STAU2: variants seen among roughly 807,000 people sequenced by gnomAD.
STAU2 encodes the protein staufen double-stranded RNA binding protein 2.
Under a neutral mutation model 65.9 loss-of-function variants are expected in STAU2, and 20 were observed. The ratio of observed to expected loss-of-function variants is 0.30; its 90% CI spans 0.21 to 0.44. The LOEUF is 0.44. Among genes scored for constraint, STAU2 ranks in the 20% least tolerant of loss-of-function variants. STAU2 has a pLI of 1.00. For synonymous variants in STAU2, 232 were observed against 233.9 expected, an observed-to-expected ratio of 0.99 and a Z score of 0.07; for missense variants, 558 against 683.9, an observed-to-expected ratio of 0.82 and a Z score of 2.05.
At chr8:73,611,456 G>A (rs1812451557) in intron 9 of STAU2, among the ~76,000 whole-genome samples, 1 of 152,072 alleles carries the variant, frequency 6.6e-6, no homozygotes, top group South Asian at 2.1e-4. Context: ...TGCATAGGAG[G>A]GAAGTTCTGG....
At chr8:73,435,305 C>G (rs1036683629) in intron 13 of STAU2, among the ~76,000 whole-genome samples, 6 of 151,902 alleles carry the variant, frequency 3.9e-5, no homozygotes, top group African/African-American at 1.5e-4. Context: ...CTGGTAAACC[C>G]TTGGCTGGTG....
intron 3 of STAU2, among the ~76,000 whole-genome samples, chr8:73,724,314 CA>C (rs1276239443): frequency 6.6e-6 from 1 of 152,102 alleles, no homozygotes; most frequent in African/African-American, 2.4e-5. Flanking sequence ...GGACCAGAGG[CA>C]AAAGTCCCCA....
At chr8:73,577,096 T>G (rs1208545338) in intron 12 of STAU2, among the ~76,000 whole-genome samples, 1 of 152,156 alleles carries the variant, frequency 6.6e-6, no homozygotes, top group African/African-American at 2.4e-5. Context: ...TCCTCAAGAC[T>G]TCAGTATACA....
intron 13 of STAU2, among the ~76,000 whole-genome samples, chr8:73,434,680 G>A (rs543189330): frequency 1.3e-5 from 2 of 151,950 alleles, no homozygotes; most frequent in Admixed American, 6.5e-5. Context: ...ATAAATGAGG[G>A]CTTTCATTAC....
chr8:73,486,520 T>A (rs1170082591), intron 13 of STAU2, among the ~76,000 whole-genome samples: 2 of 151,532 alleles, frequency 1.3e-5, no homozygotes, highest in East Asian at 3.9e-4. Flanking sequence ...TATTATCAAC[T>A]AGCTATTAGT....
chr8:73,656,575 T>C (rs1397333724), intron 6 of STAU2, among the ~76,000 whole-genome samples: 4 of 152,266 alleles, frequency 2.6e-5, no homozygotes, highest in Admixed American at 2.6e-4. Flanking sequence ...TAATTTTATA[T>C]AGTCCAAAAG....
At chr8:73,498,832 C>T (rs1310077584) in intron 13 of STAU2, among the ~76,000 whole-genome samples, 7 of 151,864 alleles carry the variant, frequency 4.6e-5, no homozygotes, top group Non-Finnish European at 7.4e-5. Flanking sequence ...GGGAATGTGA[C>T]GGTTAATTTT....
intron 13 of STAU2, among the ~76,000 whole-genome samples, chr8:73,534,400 T>G (rs559022977): frequency 5.5e-4 from 84 of 152,324 alleles, no homozygotes; most frequent in African/African-American, 1.9e-3. Flanking sequence ...CCTAAATAAG[T>G]AGATTAAGTT....
At chr8:73,672,901 G>GAA (rs11287395) in intron 6 of STAU2, 34,080 of 296,042 alleles carry the variant, frequency 0.12, 460 homozygotes, top group Middle Eastern at 0.16. Flanking sequence ...TGGGGTAGGG[G>GAA]AAAAAAAAAA....
chr8:73,555,021 G>A (rs1310762242), intron 12 of STAU2, among the ~76,000 whole-genome samples: 1 of 152,132 alleles, frequency 6.6e-6, no homozygotes, highest in Non-Finnish European at 1.5e-5. Context: ...TAAGCTTCAG[G>A]CATCGCACCA....
intron 12 of STAU2, among the ~76,000 whole-genome samples, chr8:73,582,545 A>G (rs922092686): frequency 3.3e-5 from 5 of 152,092 alleles, no homozygotes; most frequent in African/African-American, 1.2e-4. Context: ...CATGTATTAA[A>G]TGGCAGTCTG....
intron 12 of STAU2, among the ~76,000 whole-genome samples, chr8:73,560,316 G>A (rs1382309200): frequency 1.3e-5 from 2 of 151,986 alleles, no homozygotes; most frequent in African/African-American, 4.8e-5. Context: ...TCCTGACCTC[G>A]TGATCCGCCC....
chr8:73,592,597 G>A (rs1017158237), intron 11 of STAU2, among the ~76,000 whole-genome samples: 3 of 152,056 alleles, frequency 2.0e-5, no homozygotes, highest in African/African-American at 7.2e-5. Flanking sequence ...GGTGCCTCAC[G>A]CCTGTAATCC....
At chr8:73,738,085 T>C (rs1806570761) in intron 3 of STAU2, among the ~76,000 whole-genome samples, 199 bp downstream of exon 3, 1 of 152,180 alleles carries the variant, frequency 6.6e-6, no homozygotes, top group Admixed American at 6.5e-5. Context: ...AACCAGAAGT[T>C]ATCAACTTTC....
In STAU2 at chr8:73,595,148, T is replaced by G; in HGVS notation, c.1161+18A>C. 6.3e-7 allele frequency: 1 copy of G among 1,587,186 alleles called. No homozygotes were observed. The highest frequency in any genetic ancestry group is 8.6e-7 in the Non-Finnish European group (1 of 1,168,864). ...TATTATGACAGATAGGATACATACA[T>G]GTAAACTTAACTCTTACCTTCTCAA... On this transcript the variant is annotated intron_variant, in intron 11 of 14. Coordinates refer to ENST00000524300, the MANE Select transcript of STAU2 (RefSeq NM_001164380.2).
At chr8:73,529,647 AT>A (rs1805679081) in intron 13 of STAU2, among the ~76,000 whole-genome samples, 1 of 152,186 alleles carries the variant, frequency 6.6e-6, no homozygotes, top group Non-Finnish European at 1.5e-5. Flanking sequence ...GAGACATATA[AT>A]TTTTCTCCCA....
intron 13 of STAU2, among the ~76,000 whole-genome samples, chr8:73,463,466 A>G (rs912461291): frequency 6.6e-6 from 1 of 152,234 alleles, no homozygotes; most frequent in African/African-American, 2.4e-5. Context: ...CTGCTTCATA[A>G]GAAAGACTAC....
intron 6 of STAU2, among the ~76,000 whole-genome samples, chr8:73,642,381 G>A (rs1815054705): frequency 6.6e-6 from 1 of 152,034 alleles, no homozygotes; most frequent in Non-Finnish European, 1.5e-5. Context: ...AAATTAGCTG[G>A]GCGTGGTGGC....
chr8:73,712,304 T>C (rs1256846039), intron 3 of STAU2, among the ~76,000 whole-genome samples: 1 of 152,220 alleles, frequency 6.6e-6, no homozygotes, highest in Admixed American at 6.5e-5. Context: ...TCTGCCACTT[T>C]GAAAGAACAA....
Sources: gnomAD v4.1 joint callset for allele counts (sites outside exome capture counted in the v4.1 genomes callset) on GRCh38, gnomAD v4.1.1 for gene constraint, MANE v1.5 for transcripts, NCBI Gene and HGNC (gene_info 2026-07-23, HGNC 2026-07-21) for gene names.